PTPRD: variants seen among roughly 807,000 people sequenced by gnomAD.
The protein encoded by PTPRD is protein tyrosine phosphatase receptor type D.
PTPRD carries 34 observed loss-of-function variants against 214.5 expected under a neutral mutation model. That is an observed-to-expected ratio of 0.16 (90% CI 0.12 to 0.21). PTPRD has a LOEUF of 0.21. PTPRD is among the 10% of genes least tolerant of loss of function. PTPRD has a pLI of 1.00. For missense variants in PTPRD, 2,545 were observed against 2,398.7 expected (o/e 1.06, Z -1.27); for synonymous variants, 1,128 against 845.7 (o/e 1.33, Z -5.79).
chr9:8,766,627 G>T (rs538799823), intron 11 of PTPRD, among the ~76,000 whole-genome samples: 1 of 152,128 alleles, frequency 6.6e-6, no homozygotes, highest in African/African-American at 2.4e-5. Flanking sequence ...ATTGCATGGT[G>T]GGAAAGGACA....
At chr9:8,332,221 G>A (rs552451184) in intron 43 of PTPRD, among the ~76,000 whole-genome samples, 5 of 152,276 alleles carry the variant, frequency 3.3e-5, no homozygotes, top group South Asian at 2.1e-4. Context: ...TGCAGTTGTC[G>A]CAATAACTTC....
intron 9 of PTPRD, among the ~76,000 whole-genome samples, chr9:9,208,036 T>TTTTC (rs1170902768): frequency 7.2e-6 from 1 of 138,892 alleles, no homozygotes; most frequent in African/African-American, 2.6e-5. Context: ...TTTTTTTTTT[T>TTTTC]TGAGACAGAG....
rs191662961 is a variant in PTPRD at position 9,343,436 on chromosome 9, T to C, written c.-203+54013A>G. ...ACCATTCTAACTGGTGTGAGTGGTA[T>C]CTCACTGTGGTTTTGATTTGCATTT... On this transcript the variant is annotated intron_variant, in intron 9 of 45. Coordinates refer to ENST00000381196, the MANE Select transcript of PTPRD (RefSeq NM_002839.4). Among the ~76,000 whole-genome samples, 7 of 152,326 alleles carry C rather than the reference T, an allele frequency of 4.6e-5. No homozygotes were observed. The East Asian group carries it at 1.2e-3, about 25-fold the overall frequency.
rs2074881536 is a variant in PTPRD, at chr9:8,528,639, G to C, written c.493C>G (p.Pro165Ala). 1 of 1,613,622 alleles carries C rather than the reference G, an allele frequency of 6.2e-7. No homozygotes were observed. The highest frequency in any genetic ancestry group is 8.5e-7 in the Non-Finnish European group (1 of 1,179,710). ...CCATTGTTGTTGCTTGTGTCCACAG[G>C]TAAGAAATCTTTAAACCAAGTGATT... Reference protein sequence around the residue: ...PEITWFKDFLPVDTSNNNGRI... With the variant: ...PEITWFKDFLAVDTSNNNGRI... The change falls in exon 15 of 46, where the codon CCT (proline) becomes GCT (alanine). Residue 165 changes from proline to alanine, a missense_variant. Coordinates refer to ENST00000381196, the MANE Select transcript of PTPRD (RefSeq NM_002839.4).
rs141724712 is a variant in PTPRD, at chr9:9,891,131, T to C, written c.-368+47376A>G. 2.7e-3 allele frequency among the ~76,000 whole-genome samples: 407 copies of C among 152,192 alleles called. 3 individuals carry two copies. Among genetic ancestry groups the C allele is most frequent in the African/African-American group, 9.5e-3 (394 of 41,546 alleles). ...GGAATATGGCTAGGAAAAAGGGAAA[T>C]GTAGACGGGATTGTAGTCAGCCAAC... On this transcript the variant is annotated intron_variant, in intron 5 of 45. Coordinates refer to ENST00000381196, the MANE Select transcript of PTPRD (RefSeq NM_002839.4).
At position 8,479,990 on chromosome 9, in the gene PTPRD, T is replaced by C. The variant is rs1591581494; in HGVS notation, c.3413+4129A>G. Among the ~76,000 whole-genome samples the C allele has an allele frequency of 2.0e-5, 3 of 152,186 alleles. No individual in the cohort carries two copies. The East Asian group carries it at 5.8e-4, about 29-fold the overall frequency. On this transcript the variant is annotated intron_variant, in intron 30 of 45. Coordinates refer to ENST00000381196, the MANE Select transcript of PTPRD (RefSeq NM_002839.4). ...ACACCCAAATTGGGCTAAAACTTGA[T>C]ATTTATGTTTTCACAATACCTGGCA...
chr9:10,060,778 T>TTC lies in PTPRD; in HGVS notation c.-544-26990_-544-26989dup, dbSNP rs1212232020. ...AGCATACCAATCACAGGTCTTGCTT[T>TTC]TCTTTCTTTCTTTCTTTCTTTCTTC... is the stretch of plus-strand genomic sequence containing the variant. On this transcript the variant is annotated intron_variant, in intron 3 of 45. Coordinates refer to ENST00000381196, the MANE Select transcript of PTPRD (RefSeq NM_002839.4). 2.0e-3 allele frequency among the ~76,000 whole-genome samples: 248 copies of TTC among 125,130 alleles called. 10 individuals are homozygous for TTC. Among genetic ancestry groups the TTC allele is most frequent in the African/African-American group, 0.011 (220 of 19,204 alleles). 82.1% of individuals were successfully genotyped at this position (125,130 alleles called of 152,430 possible).
chr9:10,447,697 G>C (rs112508622), intron 2 of PTPRD, among the ~76,000 whole-genome samples: 1,527 of 152,108 alleles, frequency 0.01, 37 homozygotes, highest in African/African-American at 0.029. Context: ...GTCCATCACA[G>C]TGAAGTACAT....
intron 3 of PTPRD, among the ~76,000 whole-genome samples, chr9:10,334,957 G>C (rs555109342): frequency 2.0e-5 from 3 of 151,744 alleles, no homozygotes; most frequent in Admixed American, 6.6e-5. Context: ...TAAGTAAATG[G>C]AGAAATATTC....
At chr9:9,282,078 A>G (rs181606606) in intron 9 of PTPRD, among the ~76,000 whole-genome samples, 2 of 149,876 alleles carry the variant, frequency 1.3e-5, no homozygotes, top group Admixed American at 1.3e-4. Flanking sequence ...TAGTAAAAGT[A>G]TCAATAGTTA....
At chr9:10,187,411 ATT>A (rs1393841220) in intron 3 of PTPRD, among the ~76,000 whole-genome samples, 1 of 152,168 alleles carries the variant, frequency 6.6e-6, no homozygotes, top group Non-Finnish European at 1.5e-5. Flanking sequence ...AATTATCATC[ATT>A]TAGGCATTTG....
At chr9:8,324,288 C>T (rs143083497) in intron 44 of PTPRD, among the ~76,000 whole-genome samples, 15 of 152,170 alleles carry the variant, frequency 9.9e-5, no homozygotes, top group Admixed American at 7.9e-4. Flanking sequence ...GTGTGATGTT[C>T]GCTTCCCTGC....
intron 5 of PTPRD, among the ~76,000 whole-genome samples, chr9:9,898,180 G>A (rs1447025456): frequency 6.6e-6 from 1 of 152,012 alleles, no homozygotes; most frequent in Non-Finnish European, 1.5e-5. Context: ...GATAAACTAG[G>A]TCATTAATAT....
intron 2 of PTPRD, among the ~76,000 whole-genome samples, chr9:10,504,226 T>G (rs930726610): frequency 4.6e-5 from 7 of 151,034 alleles, no homozygotes; most frequent in Non-Finnish European, 8.8e-5. Context: ...GTGTGATATA[T>G]GCATCGAACT....
At chr9:9,096,727 C>A (rs1193632542) in intron 10 of PTPRD, among the ~76,000 whole-genome samples, 2 of 152,052 alleles carry the variant, frequency 1.3e-5, no homozygotes, top group Non-Finnish European at 2.9e-5. Context: ...GAACAGTAAA[C>A]ACATTTCAAT....
At chr9:8,771,738 T>C (rs144424805) in intron 11 of PTPRD, among the ~76,000 whole-genome samples, 1 of 151,950 alleles carries the variant, frequency 6.6e-6, no homozygotes, top group Non-Finnish European at 1.5e-5. Flanking sequence ...CATGCACGTA[T>C]ACATATGTTC....
intron 11 of PTPRD, among the ~76,000 whole-genome samples, chr9:8,833,317 T>C (rs746561451): frequency 6.6e-6 from 1 of 152,116 alleles, no homozygotes; most frequent in Non-Finnish European, 1.5e-5. Context: ...TCAGGATGTT[T>C]GAGCACAGCT....
rs1412000155 is a variant in PTPRD at position 8,745,807 on chromosome 9, TC to T, written c.-103-11862del. Among the ~76,000 whole-genome samples the T allele has an allele frequency of 9.2e-5, 14 of 152,220 alleles. No individual in the cohort carries two copies. The East Asian group carries it at 2.7e-3, about 29-fold the overall frequency. Reference sequence around the variant, plus strand: ...GTTTCTCTCTCTCTCTCTCTCTCTCTCTCTCTTTTAGATAGGGTCTTGTTCT... The same window carrying T: ...GTTTCTCTCTCTCTCTCTCTCTCTCTTCTCTTTTAGATAGGGTCTTGTTCT... On this transcript the variant is annotated intron_variant, in intron 11 of 45. Transcript: ENST00000381196.
Position 8,736,702 on chromosome 9 carries a change from C to T in PTPRD, c.-103-2756G>A, listed in dbSNP as rs996582076. ...CTCTACCATTCTATTAGATAGTCTCCTTTTTTTTTTTTTAAACAGTGGGTT... is the reference window on the plus strand; with the variant it reads ...CTCTACCATTCTATTAGATAGTCTCTTTTTTTTTTTTTTAAACAGTGGGTT... On this transcript the variant is annotated intron_variant, in intron 11 of 45. Transcript: ENST00000381196. Among the ~76,000 whole-genome samples, 860 of 143,582 alleles carry T rather than the reference C, an allele frequency of 6.0e-3. 7 individuals carry two copies. Among genetic ancestry groups the T allele is most frequent in the African/African-American group, 0.021 (823 of 39,380 alleles). 94.2% of individuals were successfully genotyped at this position (143,582 alleles called of 152,430 possible).
Sources: gnomAD v4.1 joint callset for allele counts (sites outside exome capture counted in the v4.1 genomes callset) on GRCh38, gnomAD v4.1.1 for gene constraint, MANE v1.5 for transcripts, NCBI Gene and HGNC (gene_info 2026-07-23, HGNC 2026-07-21) for gene names.